Variants in ITPK1 observed in about 807,000 individuals in gnomAD.
ITPK1 encodes inositol-tetrakisphosphate 1-kinase, also known as inositol 1,3,4-trisphosphate 5/6-kinase.
A neutral mutation model predicts 45.3 loss-of-function variants in ITPK1; 21 were observed. The ratio of observed to expected loss-of-function variants is 0.46; its 90% CI spans 0.33 to 0.67. The LOEUF is 0.67. ITPK1 is among the 30% of genes least tolerant of loss of function. The pLI, the probability that ITPK1 is intolerant of heterozygous loss-of-function variation, is 0.02. For synonymous variants in ITPK1, 258 were observed against 253.6 expected (o/e 1.02, Z -0.16); for missense variants, 474 against 573.5 (o/e 0.83, Z 1.77).
At chr14:93,017,591 C>CCACATGTCTCCCTCCCGG (rs1355033326) in intron 3 of ITPK1, among the ~76,000 whole-genome samples, 1 of 152,242 alleles carries the variant, frequency 6.6e-6, no homozygotes, top group Non-Finnish European at 1.5e-5. Flanking sequence ...TCCTGACCCG[C>CCACATGTCTCCCTCCCGG]CACATGTCTC....
In ITPK1 at chr14:92,940,418, G is replaced by A. The variant is rs537917363; in HGVS notation, c.*1143C>T. The stretch of plus-strand genomic sequence containing the variant: ...GCCAGTGCTTTGCTGCCAAGGTGAT[G>A]GGGTGAGTCTGAGGTGTGCAGAAGC... On this transcript the variant is annotated 3_prime_UTR_variant, in exon 11 of 11. Coordinates refer to ENST00000267615, the MANE Select transcript of ITPK1 (RefSeq NM_014216.6). 5 of 1,038,980 alleles carry A rather than the reference G, an allele frequency of 4.8e-6. No homozygotes were observed. The South Asian group carries it at 1.6e-4, about 32-fold the overall frequency. The allele number at this position is 1,038,980 out of a possible 1,614,324, so 64.4% of individuals were successfully genotyped here.
At chr14:93,067,255 G>A (rs902944439) in intron 3 of ITPK1, among the ~76,000 whole-genome samples, 1 of 152,184 alleles carries the variant, frequency 6.6e-6, no homozygotes, top group African/African-American at 2.4e-5. Context: ...AGCCAAGCAA[G>A]GGTGGCAGGT....
At chr14:92,980,923 G>C (rs1373290861) in intron 5 of ITPK1, among the ~76,000 whole-genome samples, 12 of 152,206 alleles carry the variant, frequency 7.9e-5, no homozygotes. Context: ...GGTCAGGCTG[G>C]TCTTGAGCTC....
chr14:93,019,198 G>A (rs930712272), intron 3 of ITPK1, among the ~76,000 whole-genome samples: 2 of 152,192 alleles, frequency 1.3e-5, no homozygotes, highest in African/African-American at 2.4e-5. Context: ...CCACAGGAGC[G>A]ACGCATCCGG....
intron 3 of ITPK1, among the ~76,000 whole-genome samples, chr14:93,022,790 T>C (rs1854558182): frequency 6.6e-6 from 1 of 151,878 alleles, no homozygotes; most frequent in African/African-American, 2.4e-5. Flanking sequence ...CCTCCCAAAG[T>C]GCTGGGATTA....
intron 3 of ITPK1, chr14:93,069,662 C>A (rs906380549): frequency 6.5e-6 from 1 of 152,810 alleles, no homozygotes; most frequent in African/African-American, 2.4e-5. Context: ...AGTGGGCATC[C>A]CCACAGTTCC....
intron 4 of ITPK1, among the ~76,000 whole-genome samples, chr14:92,997,355 G>C (rs1264631555): frequency 6.6e-6 from 1 of 152,238 alleles, no homozygotes; most frequent in African/African-American, 2.4e-5. Context: ...CCAAACTCAT[G>C]AGGGAAAGCG....
intron 3 of ITPK1, among the ~76,000 whole-genome samples, chr14:93,038,062 T>A (rs1033734388): frequency 6.6e-6 from 1 of 152,196 alleles, no homozygotes; most frequent in African/African-American, 2.4e-5. Flanking sequence ...ATATTCTTTT[T>A]TTTTTTTTGA....
intron 3 of ITPK1, among the ~76,000 whole-genome samples, chr14:93,035,106 C>T (rs1339417110): frequency 6.6e-6 from 1 of 152,372 alleles, no homozygotes; most frequent in African/African-American, 2.4e-5. Context: ...CTGAAACACA[C>T]AGATGAGCTC....
In ITPK1 at chr14:93,076,079, ATCCATCCTTCCTTCTCCC is replaced by A. The variant is rs1237268663; in HGVS notation, c.120+498_120+515del. The stretch of plus-strand genomic sequence containing the variant: ...CATCCTTCTATCCTTCCTCCCCTCC[ATCCATCCTTCCTTCTCCC>A]TCCATCCTTCCTTCTCCCTCCATCT... On this transcript the variant is annotated intron_variant, in intron 3 of 10. Transcript: ENST00000267615. The surrounding 1 kb of genome is among the most constrained non-coding windows in gnomAD (Gnocchi z 4.3). Among the ~76,000 whole-genome samples the A allele has an allele frequency of 6.9e-6, 1 of 144,482 alleles. No homozygotes were observed. The highest frequency in any genetic ancestry group is 2.3e-4 in the South Asian group (1 of 4,418). The allele number at this position is 144,482 out of a possible 152,430, so 94.8% of individuals were successfully genotyped here.
rs937958402 is a variant in ITPK1, at chr14:92,937,374, T to C, written c.*4187A>G. 32 of 152,056 alleles carry C rather than the reference T, an allele frequency of 2.1e-4. No homozygotes were observed. Among genetic ancestry groups the C allele is most frequent in the African/African-American group, 6.3e-4 (26 of 41,432 alleles). 9.4% of individuals were successfully genotyped at this position (152,056 alleles called of 1,614,324 possible). ...CTTTTCAGAGTGAGCTTCTGAGAGG[T>C]GATTCCACACAGCCCTGGAGGAAGG... On this transcript the variant is annotated 3_prime_UTR_variant, in exon 11 of 11. Coordinates refer to ENST00000267615, the MANE Select transcript of ITPK1 (RefSeq NM_014216.6).
At position 92,940,794 on chromosome 14, in the gene ITPK1, C is replaced by T. The variant is rs562293795; in HGVS notation, c.*767G>A. The T allele has an allele frequency of 1.5e-4, 191 of 1,287,730 alleles. No homozygotes were observed. In the East Asian group the frequency reaches 4.5e-3, roughly 30 times the overall value. 79.8% of individuals were successfully genotyped at this position (1,287,730 alleles called of 1,614,324 possible). On this transcript the variant is annotated 3_prime_UTR_variant, in exon 11 of 11. Transcript: ENST00000267615. Reference sequence around the variant, plus strand: ...ATCCTCAGCACAGGCGCCATCGGCTCGGGCCTCCAGCCAGGCAGCCTCCTT... The same window carrying T: ...ATCCTCAGCACAGGCGCCATCGGCTTGGGCCTCCAGCCAGGCAGCCTCCTT...
At chr14:92,987,553 G>A (rs1400775572) in intron 5 of ITPK1, among the ~76,000 whole-genome samples, 3 of 152,206 alleles carry the variant, frequency 2.0e-5, no homozygotes, top group Non-Finnish European at 4.4e-5. Flanking sequence ...CAAGGGCAGG[G>A]AGATGGGAGG....
rs2139731588 is a variant in ITPK1 at position 92,958,102 on chromosome 14, A to G, written c.670+99T>C. 1.8e-6 allele frequency: 2 copies of G among 1,139,772 alleles called. No individual in the cohort carries two copies. Among genetic ancestry groups the G allele is most frequent in the East Asian group, 4.7e-5 (2 of 42,522 alleles). 70.6% of individuals were successfully genotyped at this position (1,139,772 alleles called of 1,614,324 possible). A position where few individuals can be genotyped will look rare whatever the true frequency, so the allele number is the denominator to read the frequency against. ...CACCTCTCCATCCCACCAAGAACAC[A>G]GGGTGGTTGGGGCAGTGCCGAAGGA... On this transcript the variant is annotated intron_variant, in intron 8 of 10. Coordinates refer to ENST00000267615, the MANE Select transcript of ITPK1 (RefSeq NM_014216.6). This position sits in a 1 kb window ranked among gnomAD's most constrained non-coding sequence, Gnocchi z 4.4.
intron 3 of ITPK1, among the ~76,000 whole-genome samples, chr14:93,054,672 T>C (rs1288509982): frequency 6.6e-6 from 1 of 152,178 alleles, no homozygotes; most frequent in Non-Finnish European, 1.5e-5. Context: ...GGAGCCTGCA[T>C]CACTCCTGGC....
chr14:92,990,254 CCTT>C (rs1259560180), intron 5 of ITPK1, among the ~76,000 whole-genome samples: 1 of 152,128 alleles, frequency 6.6e-6, no homozygotes, highest in Non-Finnish European at 1.5e-5. Context: ...GAGAACTAGG[CCTT>C]CTTCTCATTT....
intron 3 of ITPK1, chr14:93,069,863 G>C (rs1890918035): frequency 1.3e-5 from 2 of 152,272 alleles, no homozygotes. Context: ...CAGCAAGCCA[G>C]CCAGCACCAG....
At position 92,941,259 on chromosome 14, in the gene ITPK1, A is replaced by AC; in HGVS notation, c.*301dup. The AC allele has an allele frequency of 7.3e-7, 1 of 1,364,560 alleles. No individual in the cohort carries two copies. The highest frequency in any genetic ancestry group is 9.4e-7 in the Non-Finnish European group (1 of 1,060,066). The allele number at this position is 1,364,560 out of a possible 1,614,324, so 84.5% of individuals were successfully genotyped here. ...ACACTGGCATGGCAGCCATACGCACACCCCTCACCTCCCATCCAGACCTAG... is the reference window on the plus strand; with the variant it reads ...ACACTGGCATGGCAGCCATACGCACACCCCCTCACCTCCCATCCAGACCTAG... On this transcript the variant is annotated 3_prime_UTR_variant, in exon 11 of 11. Coordinates refer to ENST00000267615, the MANE Select transcript of ITPK1 (RefSeq NM_014216.6).
rs779364792 is a variant in ITPK1, at chr14:92,993,959, G to A, written c.285C>T (p.Asp95=). The stretch of plus-strand genomic sequence containing the variant: ...GCAGGGTTCTGATGGCAGGGAGCGG[G>A]TCCAGGACGATGGTCTCAGGGTGGG... ...IDAHPETIVL[D]PLPAIRTLLD... Residue 95 remains aspartate, a synonymous_variant, in exon 5 of 11, where the codon GAC becomes GAT. Coordinates refer to ENST00000267615, the MANE Select transcript of ITPK1 (RefSeq NM_014216.6). 2 of 1,613,866 alleles carry A rather than the reference G, an allele frequency of 1.2e-6. No individual in the cohort carries two copies. The highest frequency in any genetic ancestry group is 1.1e-5 in the South Asian group (1 of 91,078).
Sources: gnomAD v4.1 joint callset for allele counts (sites outside exome capture counted in the v4.1 genomes callset) on GRCh38, gnomAD v4.1.1 for gene constraint, Gnocchi (gnomAD v3.1) non-coding constraint, MANE v1.5 for transcripts, NCBI Gene and HGNC (gene_info 2026-07-23, HGNC 2026-07-21) for gene names.